The following TNR variants were observed in gnomAD, a reference collection of about 807,000 sequenced individuals.
TNR encodes tenascin R.
Under a neutral mutation model 150.4 loss-of-function variants are expected in TNR, and 45 were observed. The observed-to-expected ratio is 0.30, with a 90% CI of 0.24 to 0.38. The LOEUF (loss-of-function observed/expected upper bound fraction) is 0.38, where lower values mean the gene tolerates loss of function less well. TNR is among the 10% of genes least tolerant of loss of function. The pLI is 1.00. For synonymous variants in TNR, 687 were observed against 678.4 expected, an observed-to-expected ratio of 1.01 and a Z score of -0.20; for missense variants, 1,544 against 1,759.1, an observed-to-expected ratio of 0.88 and a Z score of 2.19.
intron 1 of TNR, among the ~76,000 whole-genome samples, chr1:175,593,034 T>A (rs16848734): frequency 0.17 from 25,284 of 152,078 alleles, 3,247 homozygotes; most frequent in African/African-American, 0.35. Context: ...AAAGCATTTA[T>A]CCATTGCATC....
chr1:175,439,452 G>A (rs1360753444), intron 2 of TNR, among the ~76,000 whole-genome samples: 1 of 151,974 alleles, frequency 6.6e-6, no homozygotes, highest in African/African-American at 2.4e-5. Context: ...TACCATTCAG[G>A]ACATAGGCAT....
At chr1:175,627,729 C>G (rs958404035) in intron 1 of TNR, among the ~76,000 whole-genome samples, 3 of 151,636 alleles carry the variant, frequency 2.0e-5, no homozygotes, top group African/African-American at 7.3e-5. Flanking sequence ...TGACTAAGAT[C>G]AGTTCTACTT....
chr1:175,675,225 T>A (rs1355289497), intron 1 of TNR, among the ~76,000 whole-genome samples: 1 of 152,216 alleles, frequency 6.6e-6, no homozygotes, highest in African/African-American at 2.4e-5. Flanking sequence ...TTGTTAGCAA[T>A]GCCTGAATGA....
At chr1:175,359,428 G>A (rs1651488692) in intron 15 of TNR, among the ~76,000 whole-genome samples, 184 bp downstream of exon 15, 1 of 152,112 alleles carries the variant, frequency 6.6e-6, no homozygotes, top group Non-Finnish European at 1.5e-5. Context: ...TTACAAGTGT[G>A]AGCCACGATG....
chr1:175,406,249 T>C lies in TNR; in HGVS notation c.466A>G (p.Asn156Asp). ...GCACTTTCTTGGCAGCAGTTGGCGTTGCACTGGTCTCGCAGCACCGACACC... is the reference window on the plus strand; with the variant it reads ...GCACTTTCTTGGCAGCAGTTGGCGTCGCACTGGTCTCGCAGCACCGACACC... ...REVSVLRDQC[N>D]ANCCQESAAT... Residue 156 changes from asparagine (N) to aspartate (D), a missense_variant, in exon 3 of 23, where the codon AAC becomes GAC. Physicochemically the swap from Asn to Asp is conservative, Grantham distance 23 (BLOSUM62 1). This residue lies in a region of TNR where 1,254 missense variants were observed against 1,329.4 expected (regional missense o/e 0.94). Transcript: ENST00000367674. 1 of 1,614,150 alleles carries C rather than the reference T, an allele frequency of 6.2e-7. No homozygotes were observed. The highest frequency in any genetic ancestry group is 8.5e-7 in the Non-Finnish European group (1 of 1,180,018).
intron 2 of TNR, among the ~76,000 whole-genome samples, chr1:175,436,049 T>C (rs1655494747): frequency 6.6e-6 from 1 of 152,226 alleles, no homozygotes; most frequent in Non-Finnish European, 1.5e-5. Context: ...AACCTGACCT[T>C]TCTCTCTGGC....
intron 18 of TNR, among the ~76,000 whole-genome samples, chr1:175,342,379 C>T (rs1650564196): frequency 6.6e-6 from 1 of 152,146 alleles, no homozygotes; most frequent in South Asian, 2.1e-4. Flanking sequence ...GTGTTCCAGA[C>T]CTGTGCAAAA....
At chr1:175,710,582 A>T (rs1666983283) in intron 1 of TNR, among the ~76,000 whole-genome samples, 1 of 152,130 alleles carries the variant, frequency 6.6e-6, no homozygotes, top group Non-Finnish European at 1.5e-5. Flanking sequence ...AGAGCCCTCC[A>T]GACAGCCCTC....
intron 1 of TNR, among the ~76,000 whole-genome samples, chr1:175,629,598 G>A (rs573078620): frequency 1.8e-4 from 27 of 152,280 alleles, no homozygotes; most frequent in African/African-American, 6.5e-4. Flanking sequence ...GCATCAGAGG[G>A]GTGGAGCTAG....
At position 175,707,439 on chromosome 1, in the gene TNR, A is replaced by C. The variant is rs1666871194; in HGVS notation, c.-165+35787T>G. On this transcript the variant is annotated intron_variant, in intron 1 of 22. Coordinates refer to ENST00000367674, the MANE Select transcript of TNR (RefSeq NM_003285.3). ...TACCTTGAAATACATGACAAACAAA[A>C]ACAAAATCAAAAATCCATAGTAAAT... Among the ~76,000 whole-genome samples, 2 of 152,188 alleles carry C rather than the reference A, an allele frequency of 1.3e-5. 1 individual carries two copies. The highest frequency in any genetic ancestry group is 4.1e-4 in the South Asian group (2 of 4,832).
intron 1 of TNR, among the ~76,000 whole-genome samples, chr1:175,704,591 C>T (rs541009041): frequency 1.7e-4 from 26 of 152,370 alleles, no homozygotes; most frequent in South Asian, 4.1e-4. Flanking sequence ...CTCCAGTCAA[C>T]AGCCCTCCAG....
At chr1:175,639,236 T>C (rs968666261) in intron 1 of TNR, among the ~76,000 whole-genome samples, 2 of 152,158 alleles carry the variant, frequency 1.3e-5, no homozygotes, top group Admixed American at 1.3e-4. Flanking sequence ...AAACAGATCA[T>C]CTGGAGGCAA....
At chr1:175,674,280 T>C (rs1445387918) in intron 1 of TNR, among the ~76,000 whole-genome samples, 2 of 152,166 alleles carry the variant, frequency 1.3e-5, no homozygotes, top group African/African-American at 2.4e-5. Flanking sequence ...TTTCTTTTCT[T>C]TTTACCATGA....
chr1:175,484,005 G>A (rs996627355), intron 2 of TNR, among the ~76,000 whole-genome samples: 3 of 152,082 alleles, frequency 2.0e-5, no homozygotes, highest in African/African-American at 4.8e-5. Flanking sequence ...ATATGCCCCC[G>A]CTGCACTGTG....
chr1:175,360,208 G>T (rs1028480046), intron 14 of TNR, among the ~76,000 whole-genome samples: 2 of 152,198 alleles, frequency 1.3e-5, no homozygotes, highest in South Asian at 2.1e-4. Context: ...AGGAAGTGTG[G>T]TGGCAACTCC....
chr1:175,569,454 T>C (rs1051927768), intron 1 of TNR, among the ~76,000 whole-genome samples: 8 of 152,360 alleles, frequency 5.3e-5, no homozygotes, highest in African/African-American at 1.9e-4. Flanking sequence ...GCAAGCTGTA[T>C]ACAACTGGAT....
intron 1 of TNR, among the ~76,000 whole-genome samples, chr1:175,544,414 G>A (rs1660611199): frequency 6.6e-6 from 1 of 152,140 alleles, no homozygotes; most frequent in Non-Finnish European, 1.5e-5. Context: ...GGGGCAGGGA[G>A]GAACAATTAA....
rs904837043 is a variant in TNR at position 175,450,491 on chromosome 1, C to T, written c.-63-43714G>A. 1.3e-5 allele frequency among the ~76,000 whole-genome samples: 2 copies of T among 152,356 alleles called. 1 individual carries two copies. The highest frequency in any genetic ancestry group is 6.8e-3 in the Middle Eastern group (2 of 294). ...TCCCAGTGCTGGGTTAAGTTCTCTG[C>T]TCTGGGCTCCCAAAGTGGCTTGTTA... is the stretch of plus-strand genomic sequence containing the variant. On this transcript the variant is annotated intron_variant, in intron 2 of 22. Coordinates refer to ENST00000367674, the MANE Select transcript of TNR (RefSeq NM_003285.3).
chr1:175,319,853 C>G lies in TNR; in HGVS notation c.*3504G>C, dbSNP rs1648951750. ...CCACACTTAGCAAGTCCCCTTCCAC[C>G]AGTTCACTGTGGTCTCAAGGCCAAC... On this transcript the variant is annotated 3_prime_UTR_variant, in exon 23 of 23. Coordinates refer to ENST00000367674, the MANE Select transcript of TNR (RefSeq NM_003285.3). 1 of 152,206 alleles carries G rather than the reference C, an allele frequency of 6.6e-6. No individual in the cohort carries two copies. Among genetic ancestry groups the G allele is most frequent in the Admixed American group, 6.5e-5 (1 of 15,284 alleles). 9.4% of individuals were successfully genotyped at this position (152,206 alleles called of 1,614,324 possible). A position where few individuals can be genotyped will look rare whatever the true frequency, so the allele number is the denominator to read the frequency against.
Sources: allele counts gnomAD v4.1 joint callset (sites outside exome capture counted in the v4.1 genomes callset), GRCh38; gene constraint gnomAD v4.1.1; regional missense constraint gnomAD v4.1.1; transcripts MANE v1.5; gene names NCBI Gene and HGNC (gene_info 2026-07-23, HGNC 2026-07-21).